Variants in TBCK observed in about 807,000 individuals in gnomAD.
TBCK encodes the protein TBC1 domain containing kinase.
In TBCK, 99 loss-of-function variants were observed where a neutral mutation model predicts 113.4. The ratio of observed to expected loss-of-function variants is 0.87; its 90% confidence interval spans 0.74 to 1.03. The LOEUF (loss-of-function observed/expected upper bound fraction) is 1.03. TBCK is among the 50% of genes least tolerant of loss of function. The pLI, the probability that TBCK is intolerant of heterozygous loss-of-function variation, is 0.00. For missense variants in TBCK, 1,045 were observed against 1,061.3 expected (o/e 0.98, Z 0.21); for synonymous variants, 369 against 370.8 (o/e 1.00, Z 0.05).
intron 23 of TBCK, among the ~76,000 whole-genome samples, chr4:106,154,117 T>C (rs1340941719): frequency 2.0e-5 from 3 of 152,134 alleles, no homozygotes; most frequent in Non-Finnish European, 2.9e-5. Context: ...TCTGGTTGTT[T>C]TGAGATATTC....
At chr4:106,310,475 C>T (rs1401642416) in intron 1 of TBCK, 1 of 152,110 alleles carries the variant, frequency 6.6e-6, no homozygotes, top group Admixed American at 6.5e-5. Flanking sequence ...TCAATTCTGC[C>T]ACCAGCCCCA....
chr4:106,253,422 C>T (rs1247275072), intron 5 of TBCK, among the ~76,000 whole-genome samples: 2 of 152,120 alleles, frequency 1.3e-5, no homozygotes, highest in Non-Finnish European at 1.5e-5. Flanking sequence ...GCACAGAATG[C>T]CATGTATGGT....
chr4:106,145,314 C>T (rs1280522474), intron 23 of TBCK, among the ~76,000 whole-genome samples: 1 of 152,148 alleles, frequency 6.6e-6, no homozygotes, highest in African/African-American at 2.4e-5. Context: ...GAGACTCCAT[C>T]TCAGAAACAG....
chr4:106,092,888 G>C (rs1740472584), intron 25 of TBCK, among the ~76,000 whole-genome samples: 1 of 152,226 alleles, frequency 6.6e-6, no homozygotes, highest in African/African-American at 2.4e-5. Flanking sequence ...CAGAGTGGGT[G>C]CTGAGGCCGA....
intron 22 of TBCK, among the ~76,000 whole-genome samples, chr4:106,179,284 T>C (rs1028129453): frequency 1.3e-5 from 2 of 152,024 alleles, no homozygotes; most frequent in Non-Finnish European, 2.9e-5. Context: ...CTTCTACCAA[T>C]GTTTTGTTTG....
chr4:106,211,517 T>C (rs1756131749), intron 20 of TBCK, among the ~76,000 whole-genome samples: 1 of 152,144 alleles, frequency 6.6e-6, no homozygotes. Flanking sequence ...AAAACTTATT[T>C]TAGTTGTATA....
At chr4:106,247,014 T>C (rs1760890708) in intron 10 of TBCK, 125 bp downstream of exon 10, 4 of 975,856 alleles carry the variant, frequency 4.1e-6, no homozygotes, top group East Asian at 2.7e-5. Flanking sequence ...ACTTCCAGAA[T>C]TGTCTCTTAA....
Position 106,194,743 on chromosome 4 carries a change from G to A in TBCK, c.1872C>T (p.Ile624=), listed in dbSNP as rs1002274809. The part of the protein sequence containing the change: ...EIGFIPDLYA[I]PWFLTMFTHV... The stretch of plus-strand genomic sequence containing the variant: ...GAGTAAACATGGTAAGAAACCAAGG[G>A]ATGGCATAGAGCTATGAGTGGAAAA... The change falls in exon 21 of 26, where the codon ATC becomes ATT. Residue 624 remains isoleucine, a synonymous_variant. Transcript: ENST00000394708. The A allele has an allele frequency of 5.7e-6, 9 of 1,585,730 alleles. No individual in the cohort carries two copies. Among genetic ancestry groups the A allele is most frequent in the South Asian group, 2.3e-5 (2 of 86,208 alleles).
chr4:106,223,947 A>G (rs753872081), intron 19 of TBCK, among the ~76,000 whole-genome samples: 2 of 152,150 alleles, frequency 1.3e-5, no homozygotes, highest in Non-Finnish European at 2.9e-5. Context: ...AATTTTAATA[A>G]TCTTAGATAA....
chr4:106,122,996 A>G (rs1008327103), intron 23 of TBCK, among the ~76,000 whole-genome samples: 106 of 152,336 alleles, frequency 7.0e-4, no homozygotes, highest in Admixed American at 1.5e-3. Context: ...CACCACTCCT[A>G]TTCAACATAG....
At position 106,265,829 on chromosome 4, in the gene TBCK, G is replaced by A. The variant is rs1339157777; in HGVS notation, c.267-3617C>T. On this transcript the variant is annotated intron_variant, in intron 3 of 25. Transcript: ENST00000394708. ...CCTCAAATATTACCTCTGGTAATCC[G>A]ATCCCTGGTTGTCATATTTTGAAGT... is the stretch of plus-strand genomic sequence containing the variant. 4.0e-5 allele frequency among the ~76,000 whole-genome samples: 6 copies of A among 151,574 alleles called. No homozygotes were observed. In the South Asian group the frequency reaches 8.3e-4, roughly 21 times the overall value.
intron 23 of TBCK, among the ~76,000 whole-genome samples, chr4:106,136,866 T>C (rs959674535): frequency 7.1e-6 from 1 of 140,384 alleles, no homozygotes; most frequent in African/African-American, 2.5e-5. Context: ...GTAAAATTGG[T>C]TAGATTAATG....
At chr4:106,245,107 G>A (rs1316795019) in intron 10 of TBCK, among the ~76,000 whole-genome samples, 1 of 152,106 alleles carries the variant, frequency 6.6e-6, no homozygotes, top group Non-Finnish European at 1.5e-5. Flanking sequence ...GCCAAGTTTG[G>A]AAAACCTAAA....
intron 7 of TBCK, 110 bp from the exon 8 acceptor site, chr4:106,249,092 T>C (rs1761157651): frequency 4.9e-6 from 3 of 607,986 alleles, no homozygotes; most frequent in Non-Finnish European, 8.1e-6. Flanking sequence ...ATTTTGAAAC[T>C]TAAAATACTG....
chr4:106,232,098 C>G (rs1000587373), intron 17 of TBCK, among the ~76,000 whole-genome samples: 1 of 151,658 alleles, frequency 6.6e-6, no homozygotes, highest in African/African-American at 2.4e-5. Flanking sequence ...ACAATCTTGG[C>G]AATTACTTAA....
chr4:106,171,315 T>G, intron 22 of TBCK, 45 bp from the exon 23 acceptor site: 1 of 1,478,886 alleles, frequency 6.8e-7, no homozygotes, highest in Non-Finnish European at 9.3e-7. Context: ...GAATTTAGAT[T>G]GCTCTTTTAA....
chr4:106,288,718 T>A (rs912447306), intron 3 of TBCK, among the ~76,000 whole-genome samples: 3 of 152,232 alleles, frequency 2.0e-5, no homozygotes, highest in South Asian at 4.1e-4. Flanking sequence ...TAGCTCTTTC[T>A]TTTTCATTGT....
chr4:106,127,838 A>G (rs1745413591), intron 23 of TBCK, among the ~76,000 whole-genome samples: 3 of 152,190 alleles, frequency 2.0e-5, no homozygotes, highest in Admixed American at 6.5e-5. Flanking sequence ...AGTATAGGGA[A>G]TTCTCATGAT....
intron 22 of TBCK, among the ~76,000 whole-genome samples, chr4:106,184,580 A>G (rs1034978895): frequency 6.6e-6 from 1 of 152,044 alleles, no homozygotes; most frequent in Non-Finnish European, 1.5e-5. Flanking sequence ...GTATACATAT[A>G]TAGAGATACA....
Sources: allele counts gnomAD v4.1 joint callset (sites outside exome capture counted in the v4.1 genomes callset), GRCh38; gene constraint gnomAD v4.1.1; transcripts MANE v1.5; gene names NCBI Gene and HGNC (gene_info 2026-07-23, HGNC 2026-07-21).